USP32: variants seen among roughly 807,000 people sequenced by gnomAD.
USP32 encodes the protein ubiquitin carboxyl-terminal hydrolase 32.
A neutral mutation model predicts 204.8 loss-of-function variants in USP32; 59 were observed. The observed-to-expected ratio is 0.29, with a 90% CI of 0.23 to 0.36. USP32 has a LOEUF of 0.36. Among genes scored for constraint, USP32 ranks in the 10% least tolerant of loss-of-function variants. The pLI is 1.00. For synonymous variants in USP32, 517 were observed against 678.4 expected, an observed-to-expected ratio of 0.76 and a Z score of 3.70; for missense variants, 1,160 against 1,946.4, an observed-to-expected ratio of 0.60 and a Z score of 7.60.
At chr17:60,205,715 C>A in intron 25 of USP32, 57 bp from the exon 26 acceptor site, 5 of 1,565,640 alleles carry the variant, frequency 3.2e-6, no homozygotes, top group Non-Finnish European at 4.4e-6. Flanking sequence ...CATCTTTGCT[C>A]TTTTCTCAAG....
chr17:60,230,121 A>T (rs982767102), intron 12 of USP32, among the ~76,000 whole-genome samples: 2 of 152,178 alleles, frequency 1.3e-5, no homozygotes, highest in Non-Finnish European at 2.9e-5. Context: ...ACCACAAATT[A>T]CTTTCTAAAA....
intron 2 of USP32, among the ~76,000 whole-genome samples, chr17:60,320,085 A>G (rs947728059): frequency 9.2e-5 from 14 of 152,206 alleles, no homozygotes; most frequent in Admixed American, 2.0e-4. Flanking sequence ...TGAAAATCCC[A>G]AACTGTTATT....
intron 4 of USP32, among the ~76,000 whole-genome samples, chr17:60,292,632 CT>C (rs2087311630): frequency 6.6e-6 from 1 of 152,262 alleles, no homozygotes; most frequent in South Asian, 2.1e-4. Context: ...AAACTTCTCA[CT>C]ACCTCACTGC....
At chr17:60,268,404 AT>A (rs2086648297) in intron 7 of USP32, among the ~76,000 whole-genome samples, 1 of 117,666 alleles carries the variant, frequency 8.5e-6, no homozygotes, top group African/African-American at 7.3e-5. Context: ...CACTATCTCT[AT>A]TTAAAAAAAA....
intron 11 of USP32, among the ~76,000 whole-genome samples, chr17:60,237,069 G>A (rs1321438477): frequency 6.6e-6 from 1 of 151,894 alleles, no homozygotes; most frequent in Non-Finnish European, 1.5e-5. Context: ...ATTCTAGTGG[G>A]TGTGAAACAC....
At chr17:60,235,459 T>C (rs185083854) in intron 12 of USP32, among the ~76,000 whole-genome samples, 1 of 152,208 alleles carries the variant, frequency 6.6e-6, no homozygotes, top group Non-Finnish European at 1.5e-5. Flanking sequence ...ATGAGATAGA[T>C]AATGTAAAAA....
intron 11 of USP32, among the ~76,000 whole-genome samples, chr17:60,239,555 A>G (rs1320181401): frequency 6.6e-6 from 1 of 151,916 alleles, no homozygotes; most frequent in African/African-American, 2.4e-5. Context: ...ACTTTTATTT[A>G]ACTTCTCTGA....
intron 1 of USP32, chr17:60,421,513 G>A (rs2090113629): frequency 4.1e-6 from 4 of 985,376 alleles, no homozygotes; most frequent in Admixed American, 1.2e-4. Context: ...CTGGGCCCGG[G>A]CCCAGAGGAC....
chr17:60,417,237 T>G (rs1460595965), intron 1 of USP32, among the ~76,000 whole-genome samples: 4 of 151,786 alleles, frequency 2.6e-5, no homozygotes, highest in African/African-American at 9.7e-5. Flanking sequence ...CTTTCTTTCT[T>G]TTTATTTTAA....
intron 1 of USP32, among the ~76,000 whole-genome samples, chr17:60,365,040 T>C (rs914161994): frequency 6.6e-6 from 1 of 152,216 alleles, no homozygotes; most frequent in African/African-American, 2.4e-5. Flanking sequence ...GTAAATTCCT[T>C]ATGCCTTTTA....
chr17:60,312,588 A>G (rs987714943), intron 2 of USP32, among the ~76,000 whole-genome samples: 6 of 152,038 alleles, frequency 3.9e-5, no homozygotes, highest in African/African-American at 1.4e-4. Flanking sequence ...GCACAGGAAC[A>G]TGCCATCACA....
Position 60,183,222 on chromosome 17 carries a change from C to T in USP32, c.4066G>A (p.Val1356Met), listed in dbSNP as rs777413265. Residue 1356 changes from valine to methionine, a missense_variant, in exon 31 of 34, where the codon GTG becomes ATG. Transcript: ENST00000300896. Reference protein sequence around the residue: ...DAQSSAGEEDVLLSKSPSSLS... With the variant: ...DAQSSAGEEDMLLSKSPSSLS... ...GAGGATGGGCTTTTGCTCAGGAGCA[C>T]GTCCTCTTCCCCAGCCGAACTCTGC... 7.1e-5 allele frequency: 115 copies of T among 1,613,862 alleles called. No individual in the cohort carries two copies. Among genetic ancestry groups the T allele is most frequent in the Non-Finnish European group, 9.1e-5 (107 of 1,179,876 alleles).
chr17:60,272,013 C>T (rs1001142914), intron 5 of USP32, among the ~76,000 whole-genome samples: 3 of 152,126 alleles, frequency 2.0e-5, no homozygotes, highest in Admixed American at 1.3e-4. Context: ...TGGGGTCTCG[C>T]TATGTTGGTC....
chr17:60,389,244 T>C (rs2089785974), intron 1 of USP32, among the ~76,000 whole-genome samples: 1 of 152,174 alleles, frequency 6.6e-6, no homozygotes, highest in African/African-American at 2.4e-5. Context: ...CATTTTTAGC[T>C]CTATCAAAAG....
chr17:60,349,596 A>AAATAT (rs1555618242), intron 1 of USP32, among the ~76,000 whole-genome samples: 4 of 65,178 alleles, frequency 6.1e-5, no homozygotes, highest in South Asian at 5.4e-4. Context: ...AAAAAAAAAA[A>AAATAT]ATATATATAT....
intron 26 of USP32, among the ~76,000 whole-genome samples, chr17:60,199,971 G>A (rs1484272194): frequency 2.6e-5 from 4 of 152,082 alleles, no homozygotes; most frequent in Admixed American, 1.3e-4. Flanking sequence ...CGAGGCGGGC[G>A]GATCATGAGG....
intron 1 of USP32, among the ~76,000 whole-genome samples, chr17:60,409,472 C>T (rs1398681510): frequency 6.6e-6 from 1 of 152,138 alleles, no homozygotes; most frequent in African/African-American, 2.4e-5. Context: ...GCTGGCTTAC[C>T]CCAGAGCAAG....
At chr17:60,343,104 A>C (rs1000225949) in intron 2 of USP32, among the ~76,000 whole-genome samples, 9 of 152,208 alleles carry the variant, frequency 5.9e-5, no homozygotes, top group African/African-American at 2.2e-4. Flanking sequence ...AGAGCTATCT[A>C]TCCTAAATAT....
chr17:60,255,063 T>C (rs879118786), intron 10 of USP32, 112 bp downstream of exon 10: 2 of 614,212 alleles, frequency 3.3e-6, no homozygotes, highest in Admixed American at 7.1e-5. Context: ...TTTTTTTTTT[T>C]AATATATGGT....
Sources: allele counts gnomAD v4.1 joint callset (sites outside exome capture counted in the v4.1 genomes callset), GRCh38; gene constraint gnomAD v4.1.1; transcripts MANE v1.5; gene names NCBI Gene and HGNC (gene_info 2026-07-23, HGNC 2026-07-21).